ZNF775: variants seen among roughly 807,000 people sequenced by gnomAD.
ZNF775 encodes the protein zinc finger protein 775.
Under a neutral mutation model 2.4 loss-of-function variants are expected in ZNF775, and 1 was observed. That is an observed-to-expected ratio of 0.41 (90% CI 0.15 to 1.94). The LOEUF (loss-of-function observed/expected upper bound fraction) is 1.94. ZNF775 is among the 30% of genes most tolerant of loss of function. The probability of loss-of-function intolerance (pLI) is 0.30; values close to 1 mark genes in which losing one functional copy is unlikely to be tolerated. For synonymous variants in ZNF775, 381 were observed against 373.3 expected (o/e 1.02, Z -0.24); for missense variants, 823 against 826.6 (o/e 1.00, Z 0.05).
chr7:150,388,344 G>A, intron 1 of ZNF775, 78 bp from the exon 2 acceptor site: 1 of 1,099,198 alleles, frequency 9.1e-7, no homozygotes, highest in African/African-American at 1.6e-5. Flanking sequence ...TTTATGGGAT[G>A]GGAGGGGGGC....
chr7:150,387,056 G>A (rs1585085023), intron 1 of ZNF775, among the ~76,000 whole-genome samples: 2 of 152,268 alleles, frequency 1.3e-5, no homozygotes, highest in East Asian at 3.9e-4. Context: ...CAGCACTTTG[G>A]GAGACCGAGG....
In ZNF775 at chr7:150,397,566, G is replaced by T; in HGVS notation, c.1085G>T (p.Gly362Val). ...LLKHLRTHLP[G>V]AQAAPCPSCG... ...AAGCACCTGCGCACGCACCTGCCCG[G>T]CGCCCAGGCTGCGCCCTGCCCCAGC... The change falls in exon 3 of 3, where the codon GGC (glycine) becomes GTC (valine). Residue 362 changes from glycine to valine, a missense_variant. Physicochemically the swap from Gly to Val is moderately radical, Grantham distance 109. Transcript: ENST00000329630. 1 of 1,511,568 alleles carries T rather than the reference G, an allele frequency of 6.6e-7. No individual in the cohort carries two copies. The highest frequency in any genetic ancestry group is 8.8e-7 in the Non-Finnish European group (1 of 1,137,522). The allele number at this position is 1,511,568 out of a possible 1,614,324, so 93.6% of individuals were successfully genotyped here. A position where few individuals can be genotyped will look rare whatever the true frequency, so the allele number is the denominator to read the frequency against.
At chr7:150,389,357 A>C (rs977054825) in intron 2 of ZNF775, among the ~76,000 whole-genome samples, 1 of 152,252 alleles carries the variant, frequency 6.6e-6, no homozygotes, top group Non-Finnish European at 1.5e-5. Flanking sequence ...AGGAGACCCA[A>C]GACTGAGACA....
At position 150,382,311 on chromosome 7, in the gene ZNF775, C is replaced by T. The variant is rs946115533; in HGVS notation, c.-50+2919C>T. Among the ~76,000 whole-genome samples, 60 of 152,300 alleles carry T rather than the reference C, an allele frequency of 3.9e-4. No individual in the cohort carries two copies. The highest frequency in any genetic ancestry group is 1.3e-3 in the African/African-American group (53 of 41,562). ...CCCGATGCATCCGGCTCAGGCTTGC[C>T]GCCCTGTGGTGCTCCTCCCAAACTC... On this transcript the variant is annotated intron_variant, in intron 1 of 2. Coordinates refer to ENST00000329630, the MANE Select transcript of ZNF775 (RefSeq NM_173680.4). This position sits in a 1 kb window ranked among gnomAD's most constrained non-coding sequence, Gnocchi z 4.6.
Position 150,398,194 on chromosome 7 carries a change from T to C in ZNF775, c.*99T>C. 1 of 1,482,398 alleles carries C rather than the reference T, an allele frequency of 6.7e-7. No homozygotes were observed. 91.8% of individuals were successfully genotyped at this position (1,482,398 alleles called of 1,614,324 possible). Reference sequence around the variant, plus strand: ...AGGATTGCTGGCTCTTAGAACCCCTTAGAGCGGGACCGGTGGATTCCTTAA... The same window carrying C: ...AGGATTGCTGGCTCTTAGAACCCCTCAGAGCGGGACCGGTGGATTCCTTAA... On this transcript the variant is annotated 3_prime_UTR_variant, in exon 3 of 3. Transcript: ENST00000329630.
In ZNF775 at chr7:150,384,273, G is replaced by T. The variant is rs1800415376; in HGVS notation, c.-49-4149G>T. Among the ~76,000 whole-genome samples, 1 of 152,238 alleles carries T rather than the reference G, an allele frequency of 6.6e-6. No individual in the cohort carries two copies. Among genetic ancestry groups the T allele is most frequent in the Non-Finnish European group, 1.5e-5 (1 of 68,042 alleles). On this transcript the variant is annotated intron_variant, in intron 1 of 2. Transcript: ENST00000329630. This position sits in a 1 kb window ranked among gnomAD's most constrained non-coding sequence, Gnocchi z 4.1. ...GGGCCCTTGTGCGATAGACAAAGCG[G>T]CCTTCCAAGACTTGGTGTGGGCACT...
Position 150,382,030 on chromosome 7 carries a change from G to T in ZNF775, c.-50+2638G>T, listed in dbSNP as rs1013383638. ...GGTGTGGGGATGGAGGCCTCCAGGT[G>T]GGGGAGGGGATGCCCACCTGGTTTG... On this transcript the variant is annotated intron_variant, in intron 1 of 2. Coordinates refer to ENST00000329630, the MANE Select transcript of ZNF775 (RefSeq NM_173680.4). The surrounding 1 kb of genome is among the most constrained non-coding windows in gnomAD (Gnocchi z 4.6). Among the ~76,000 whole-genome samples the T allele has an allele frequency of 6.6e-6, 1 of 151,988 alleles. No homozygotes were observed. Among genetic ancestry groups the T allele is most frequent in the Non-Finnish European group, 1.5e-5 (1 of 67,980 alleles).
Position 150,397,611 on chromosome 7 carries a change from G to C in ZNF775, c.1130G>C (p.Ser377Thr). The C allele has an allele frequency of 7.2e-7, 1 of 1,396,188 alleles. No individual in the cohort carries two copies. The highest frequency in any genetic ancestry group is 9.2e-7 in the Non-Finnish European group (1 of 1,083,134). The allele number at this position is 1,396,188 out of a possible 1,614,324, so 86.5% of individuals were successfully genotyped here. A position where few individuals can be genotyped will look rare whatever the true frequency, so the allele number is the denominator to read the frequency against. Residue 377 changes from serine (S) to threonine (T), a missense_variant, in exon 3 of 3, where the codon AGC (serine) becomes ACC (threonine). By Grantham distance (58) the Ser-to-Thr change is moderately conservative. Transcript: ENST00000329630. ...PCPSCGKSCR[S>T]RAALRAHQRA... ...CCCAGCTGCGGTAAGAGCTGCCGCA[G>C]CCGCGCCGCGCTGCGCGCCCACCAG...
At position 150,384,629 on chromosome 7, in the gene ZNF775, T is replaced by C. The variant is rs1011372311; in HGVS notation, c.-49-3793T>C. Among the ~76,000 whole-genome samples, 20 of 152,228 alleles carry C rather than the reference T, an allele frequency of 1.3e-4. No individual in the cohort carries two copies. In the South Asian group the frequency reaches 4.2e-3, roughly 32 times the overall value. On this transcript the variant is annotated intron_variant, in intron 1 of 2. Coordinates refer to ENST00000329630, the MANE Select transcript of ZNF775 (RefSeq NM_173680.4). This position sits in a 1 kb window ranked among gnomAD's most constrained non-coding sequence, Gnocchi z 4.1. Reference sequence around the variant, plus strand: ...GGGTCCCCAAAGACTTGGCCTCCCCTCATTCCTGTCCTCTGTGTTTCCCCC... The same window carrying C: ...GGGTCCCCAAAGACTTGGCCTCCCCCCATTCCTGTCCTCTGTGTTTCCCCC...
At chr7:150,379,906 G>C (rs1800330965) in intron 1 of ZNF775, 1 of 152,408 alleles carries the variant, frequency 6.6e-6, no homozygotes, top group South Asian at 2.1e-4. Flanking sequence ...GGAGATAAGT[G>C]AGAGGGAAGC....
At position 150,397,246 on chromosome 7, in the gene ZNF775, C is replaced by T; in HGVS notation, c.765C>T (p.Leu255=). 1 of 1,288,876 alleles carries T rather than the reference C, an allele frequency of 7.8e-7. No homozygotes were observed. Among genetic ancestry groups the T allele is most frequent in the South Asian group, 1.7e-5 (1 of 57,940 alleles). The allele number at this position is 1,288,876 out of a possible 1,614,324, so 79.8% of individuals were successfully genotyped here. Residue 255 remains leucine (L), a synonymous_variant, in exon 3 of 3, where the codon CTC becomes CTT. Coordinates refer to ENST00000329630, the MANE Select transcript of ZNF775 (RefSeq NM_173680.4). ...RGRPEWAWLG[L]CQGWWGQPGA... Reference sequence around the variant, plus strand: ...GCCCCGAGTGGGCCTGGCTGGGGCTCTGCCAGGGCTGGTGGGGCCAGCCCG... The same window carrying T: ...GCCCCGAGTGGGCCTGGCTGGGGCTTTGCCAGGGCTGGTGGGGCCAGCCCG...
chr7:150,384,254 T>C lies in ZNF775; in HGVS notation c.-49-4168T>C, dbSNP rs1011256630. Among the ~76,000 whole-genome samples, 5 of 152,234 alleles carry C rather than the reference T, an allele frequency of 3.3e-5. No individual in the cohort carries two copies. Among genetic ancestry groups the C allele is most frequent in the African/African-American group, 7.2e-5 (3 of 41,450 alleles). ...TGGTCCGGTAGGGGCCCGGGGGCCC[T>C]TGTGCGATAGACAAAGCGGCCTTCC... On this transcript the variant is annotated intron_variant, in intron 1 of 2. Coordinates refer to ENST00000329630, the MANE Select transcript of ZNF775 (RefSeq NM_173680.4). This position sits in a 1 kb window ranked among gnomAD's most constrained non-coding sequence, Gnocchi z 4.1.
Position 150,398,233 on chromosome 7 carries a change from T to C in ZNF775, c.*138T>C, listed in dbSNP as rs550461144. 1.5e-6 allele frequency: 2 copies of C among 1,351,000 alleles called. No individual in the cohort carries two copies. The highest frequency in any genetic ancestry group is 2.9e-5 in the South Asian group (2 of 67,820). 83.7% of individuals were successfully genotyped at this position (1,351,000 alleles called of 1,614,324 possible). ...TGGATTCCTTAAGGCTCTGAAGGGC[T>C]GAGAACAGTTCTAGAAGCGTCCCAA... On this transcript the variant is annotated 3_prime_UTR_variant, in exon 3 of 3. Transcript: ENST00000329630.
chr7:150,380,783 G>A (rs1424200961), intron 1 of ZNF775, among the ~76,000 whole-genome samples: 2 of 152,228 alleles, frequency 1.3e-5, no homozygotes, highest in African/African-American at 2.4e-5. Context: ...GCAACCACAC[G>A]TTTCGTGTGG....
In ZNF775 at chr7:150,396,946, G is replaced by A; in HGVS notation, c.465G>A (p.Arg155=). 6.2e-7 allele frequency: 1 copy of A among 1,600,792 alleles called. No individual in the cohort carries two copies. The part of the protein sequence containing the change: ...SQKPNLARHQ[R]HHTGERPFCC... The stretch of plus-strand genomic sequence containing the variant: ...AGCCGAACCTGGCGCGCCACCAGCG[G>A]CACCACACGGGCGAGCGACCCTTCT... Residue 155 remains arginine, a synonymous_variant, in exon 3 of 3, where the codon CGG becomes CGA. Coordinates refer to ENST00000329630, the MANE Select transcript of ZNF775 (RefSeq NM_173680.4).
rs773540183 is a variant in ZNF775 at position 150,397,508 on chromosome 7, G to C, written c.1027G>C (p.Gly343Arg). ...GERPHPCPHCGRGFRQKQHLL... is the reference protein window; with the variant it reads ...GERPHPCPHCRRGFRQKQHLL... Reference sequence around the variant, plus strand: ...GCGCCCGCACCCCTGCCCGCACTGTGGCCGCGGCTTCCGCCAGAAGCAGCA... The same window carrying C: ...GCGCCCGCACCCCTGCCCGCACTGTCGCCGCGGCTTCCGCCAGAAGCAGCA... The change falls in exon 3 of 3, where the codon GGC (glycine) becomes CGC (arginine). Residue 343 changes from glycine to arginine, a missense_variant. Gly to Arg is a moderately radical substitution (Grantham distance 125). Transcript: ENST00000329630. The C allele has an allele frequency of 7.0e-6, 11 of 1,572,698 alleles. No individual in the cohort carries two copies. In the South Asian group the frequency reaches 1.2e-4, roughly 18 times the overall value.
At chr7:150,393,018 G>T (rs1411300130) in intron 2 of ZNF775, among the ~76,000 whole-genome samples, 1 of 152,076 alleles carries the variant, frequency 6.6e-6, no homozygotes, top group Admixed American at 6.6e-5. Flanking sequence ...TGACATTAGG[G>T]TTCTCTTTTG....
rs1285125810 is a variant in ZNF775, at chr7:150,382,418, G to A, written c.-50+3026G>A. 1.3e-5 allele frequency among the ~76,000 whole-genome samples: 2 copies of A among 152,154 alleles called. No homozygotes were observed. The highest frequency in any genetic ancestry group is 2.1e-4 in the South Asian group (1 of 4,830). The stretch of plus-strand genomic sequence containing the variant: ...CAATGACTGGCCAGGGACTAGCAGC[G>A]GCTCAGTGGTGGGTGGGCTGGGACT... On this transcript the variant is annotated intron_variant, in intron 1 of 2. Transcript: ENST00000329630. This position sits in a 1 kb window ranked among gnomAD's most constrained non-coding sequence, Gnocchi z 4.6.
intron 2 of ZNF775, among the ~76,000 whole-genome samples, chr7:150,391,340 T>C (rs370012788): frequency 6.6e-6 from 1 of 152,126 alleles, no homozygotes; most frequent in East Asian, 1.9e-4. Flanking sequence ...AAACCCCATC[T>C]CTACTAAAAA....
Sources: gnomAD v4.1 joint callset for allele counts (sites outside exome capture counted in the v4.1 genomes callset) on GRCh38, gnomAD v4.1.1 for gene constraint, Gnocchi (gnomAD v3.1) non-coding constraint, MANE v1.5 for transcripts, NCBI Gene and HGNC (gene_info 2026-07-23, HGNC 2026-07-21) for gene names.